ABHD6: variants seen among roughly 807,000 people sequenced by gnomAD.
The protein encoded by ABHD6 is abhydrolase domain containing 6, acylglycerol lipase, also known as monoacylglycerol lipase ABHD6.
In ABHD6, 33 loss-of-function variants were observed where a neutral mutation model predicts 38.8. The ratio of observed to expected loss-of-function variants is 0.85; its 90% CI spans 0.64 to 1.14. ABHD6 has a LOEUF of 1.14. Ranked by LOEUF, ABHD6 falls within the 50% of genes most tolerant of loss-of-function variation. The pLI is 0.00. For synonymous variants in ABHD6, 147 were observed against 161.6 expected (o/e 0.91, Z 0.69); for missense variants, 380 against 422.6 (o/e 0.90, Z 0.88).
At position 58,269,518 on chromosome 3, in the gene ABHD6, C is replaced by T. The variant is rs2097443328; in HGVS notation, c.390+84C>T. ...GAGTCTGGAGAGCAGGGAAGGGAGT[C>T]CTGTGCTACCTCATGACCAGTCTCC... On this transcript the variant is annotated intron_variant, in intron 5 of 9. Transcript: ENST00000478253. The surrounding 1 kb of genome is among the most constrained non-coding windows in gnomAD (Gnocchi z 4.4). 9.8e-7 allele frequency: 1 copy of T among 1,018,734 alleles called. No individual in the cohort carries two copies. Among genetic ancestry groups the T allele is most frequent in the South Asian group, 1.4e-5 (1 of 71,714 alleles). 63.1% of individuals were successfully genotyped at this position (1,018,734 alleles called of 1,614,324 possible). A position where few individuals can be genotyped will look rare whatever the true frequency, so the allele number is the denominator to read the frequency against.
In ABHD6 at chr3:58,273,074, A is replaced by G. The variant is rs897608063; in HGVS notation, c.524-1584A>G. 6.6e-6 allele frequency among the ~76,000 whole-genome samples: 1 copy of G among 152,180 alleles called. No homozygotes were observed. The highest frequency in any genetic ancestry group is 2.4e-5 in the African/African-American group (1 of 41,436). On this transcript the variant is annotated intron_variant, in intron 6 of 9. Transcript: ENST00000478253. This position sits in a 1 kb window ranked among gnomAD's most constrained non-coding sequence, Gnocchi z 4.8. The stretch of plus-strand genomic sequence containing the variant: ...GATCCAGTCCAGGATGTACCACATG[A>G]CATCTAACCTAGGTTTAGTTTTAAA...
chr3:58,286,499 G>A (rs758088655), intron 9 of ABHD6, among the ~76,000 whole-genome samples: 17 of 151,892 alleles, frequency 1.1e-4, no homozygotes, highest in Non-Finnish European at 2.4e-4. Flanking sequence ...TCTGTAAAGG[G>A]CCAGATGGTA....
intron 9 of ABHD6, among the ~76,000 whole-genome samples, chr3:58,289,632 C>T (rs535328715): frequency 6.4e-4 from 97 of 152,334 alleles, no homozygotes; most frequent in African/African-American, 1.7e-3. Flanking sequence ...CCCATGTCTA[C>T]CTCTTTCTAC....
chr3:58,252,328 C>T (rs2097430604), intron 2 of ABHD6, among the ~76,000 whole-genome samples: 1 of 149,754 alleles, frequency 6.7e-6, no homozygotes, highest in African/African-American at 2.5e-5. Flanking sequence ...ATCCTCCCAC[C>T]TGAGTCTCCT....
chr3:58,268,316 C>T (rs189534670), intron 4 of ABHD6, among the ~76,000 whole-genome samples: 1 of 152,220 alleles, frequency 6.6e-6, no homozygotes, highest in Non-Finnish European at 1.5e-5. Flanking sequence ...CATATTCTTC[C>T]TTCATTCCTT....
At chr3:58,246,956 C>T (rs2097426836) in intron 1 of ABHD6, among the ~76,000 whole-genome samples, 1 of 151,816 alleles carries the variant, frequency 6.6e-6, no homozygotes, top group Non-Finnish European at 1.5e-5. Flanking sequence ...GGAGTTTCAT[C>T]CTCCATCCTT....
chr3:58,258,592 T>C (rs1336301584), intron 3 of ABHD6: 2 of 276,354 alleles, frequency 7.2e-6, no homozygotes, highest in Non-Finnish European at 7.5e-6. Context: ...GAAGGGAGCA[T>C]CGAAATAGAC....
Position 58,257,377 on chromosome 3 carries a change from T to G in ABHD6, c.119+672T>G, listed in dbSNP as rs973637407. 4.5e-5 allele frequency among the ~76,000 whole-genome samples: 3 copies of G among 66,750 alleles called. No homozygotes were observed. Among genetic ancestry groups the G allele is most frequent in the African/African-American group, 3.6e-4 (3 of 8,426 alleles). The allele number at this position is 66,750 out of a possible 152,430, so 43.8% of individuals were successfully genotyped here. A position where few individuals can be genotyped will look rare whatever the true frequency, so the allele number is the denominator to read the frequency against. ...GTTTTTTGGGTTTTTGTTTGGTTTT[T>G]TTTTTGAAACAGTCTCCCTCTGTCA... On this transcript the variant is annotated intron_variant, in intron 3 of 9. Transcript: ENST00000478253. This position sits in a 1 kb window ranked among gnomAD's most constrained non-coding sequence, Gnocchi z 4.8.
At position 58,251,315 on chromosome 3, in the gene ABHD6, T is replaced by TAA. The variant is rs11381268; in HGVS notation, c.-26+1384_-26+1385dup. ...CTGGCTGACAGAGCGAGACTCCATC[T>TAA]AAAAAAAAAAAAGAAAGAAAAAAAG... On this transcript the variant is annotated intron_variant, in intron 2 of 9. Coordinates refer to ENST00000478253, the MANE Select transcript of ABHD6 (RefSeq NM_001320126.2). The surrounding 1 kb of genome is among the most constrained non-coding windows in gnomAD (Gnocchi z 5.4). Among the ~76,000 whole-genome samples the TAA allele has an allele frequency of 2.7e-4, 38 of 143,078 alleles. No individual in the cohort carries two copies. Among genetic ancestry groups the TAA allele is most frequent in the Admixed American group, 6.9e-4 (10 of 14,404 alleles). 93.9% of individuals were successfully genotyped at this position (143,078 alleles called of 152,430 possible). A position where few individuals can be genotyped will look rare whatever the true frequency, so the allele number is the denominator to read the frequency against.
At chr3:58,262,612 G>A (rs2097437820) in intron 3 of ABHD6, among the ~76,000 whole-genome samples, 1 of 152,132 alleles carries the variant, frequency 6.6e-6, no homozygotes, top group Admixed American at 6.5e-5. Flanking sequence ...GTTCTGTAAG[G>A]TTCTGCTTTT....
chr3:58,288,253 C>T (rs1243936060), intron 9 of ABHD6, among the ~76,000 whole-genome samples: 1 of 152,198 alleles, frequency 6.6e-6, no homozygotes, highest in Non-Finnish European at 1.5e-5. Flanking sequence ...CCCTACCAGG[C>T]CAAATTCAGC....
chr3:58,269,671 G>C lies in ABHD6; in HGVS notation c.390+237G>C, dbSNP rs2097443439. Among the ~76,000 whole-genome samples the C allele has an allele frequency of 2.0e-5, 3 of 152,202 alleles. No homozygotes were observed. Among genetic ancestry groups the C allele is most frequent in the Admixed American group, 2.0e-4 (3 of 15,282 alleles). ...AGTTGTTTGTAACGAAATACAATCT[G>C]AGCATTTTCTCAACTCTTTGAAAAG... is the stretch of plus-strand genomic sequence containing the variant. On this transcript the variant is annotated intron_variant, in intron 5 of 9. Transcript: ENST00000478253. This position sits in a 1 kb window ranked among gnomAD's most constrained non-coding sequence, Gnocchi z 4.4.
chr3:58,266,805 A>G lies in ABHD6; in HGVS notation c.120-384A>G, dbSNP rs1169074749. Among the ~76,000 whole-genome samples the G allele has an allele frequency of 3.3e-5, 5 of 152,216 alleles. No homozygotes were observed. Among genetic ancestry groups the G allele is most frequent in the Admixed American group, 2.6e-4 (4 of 15,284 alleles). On this transcript the variant is annotated intron_variant, in intron 3 of 9. Transcript: ENST00000478253. This position sits in a 1 kb window ranked among gnomAD's most constrained non-coding sequence, Gnocchi z 4.0. Reference sequence around the variant, plus strand: ...AGCTGAGCTTTCAACCAGCTGCCATATGTTATGAGGAACAAAGCCAGAGGA... The same window carrying G: ...AGCTGAGCTTTCAACCAGCTGCCATGTGTTATGAGGAACAAAGCCAGAGGA...
intron 2 of ABHD6, among the ~76,000 whole-genome samples, chr3:58,255,712 T>C (rs12633675): frequency 0.18 from 28,058 of 152,056 alleles, 4,248 homozygotes; most frequent in East Asian, 0.78. Context: ...TGGCACAATC[T>C]TGGCTCACTG....
chr3:58,258,740 G>C (rs943107297), intron 3 of ABHD6: 3 of 153,306 alleles, frequency 2.0e-5, no homozygotes, highest in Admixed American at 6.5e-5. Flanking sequence ...GCTCCTTTTT[G>C]CTTCACTTGA....
rs970266007 is a variant in ABHD6 at position 58,266,743 on chromosome 3, A to G, written c.120-446A>G. Among the ~76,000 whole-genome samples the G allele has an allele frequency of 2.0e-5, 3 of 152,174 alleles. No homozygotes were observed. Among genetic ancestry groups the G allele is most frequent in the South Asian group, 4.1e-4 (2 of 4,832 alleles). ...TTCATATTGAAATTGATTTTGGGCC[A>G]AAGTCCAGCACTGCCAAGTCTTATG... On this transcript the variant is annotated intron_variant, in intron 3 of 9. Transcript: ENST00000478253. The surrounding 1 kb of genome is among the most constrained non-coding windows in gnomAD (Gnocchi z 4.0).
At chr3:58,260,202 G>A (rs901777277) in intron 3 of ABHD6, among the ~76,000 whole-genome samples, 7 of 152,204 alleles carry the variant, frequency 4.6e-5, no homozygotes, top group Non-Finnish European at 7.3e-5. Flanking sequence ...GCCCCACAGT[G>A]CAGAGCATTC....
intron 4 of ABHD6, among the ~76,000 whole-genome samples, chr3:58,268,704 A>G (rs2097442715): frequency 1.3e-5 from 2 of 152,216 alleles, no homozygotes; most frequent in Non-Finnish European, 2.9e-5. Flanking sequence ...CTCCTCAGAT[A>G]AATATCTTTC....
At chr3:58,246,579 G>A (rs2097426548) in intron 1 of ABHD6, among the ~76,000 whole-genome samples, 1 of 152,186 alleles carries the variant, frequency 6.6e-6, no homozygotes. Flanking sequence ...GGTGGCCAAA[G>A]CAGGGAGGGG....
Sources: gnomAD v4.1 joint callset for allele counts (sites outside exome capture counted in the v4.1 genomes callset) on GRCh38, gnomAD v4.1.1 for gene constraint, Gnocchi (gnomAD v3.1) non-coding constraint, MANE v1.5 for transcripts, NCBI Gene and HGNC (gene_info 2026-07-23, HGNC 2026-07-21) for gene names.